The following DVL1 variants were observed in gnomAD, a reference collection of about 807,000 sequenced individuals.
The protein encoded by DVL1 is segment polarity protein dishevelled homolog DVL-1.
DVL1 carries 49 observed loss-of-function variants against 65.0 expected under a neutral mutation model. That is an observed-to-expected ratio of 0.75 (90% CI 0.60 to 0.96). The LOEUF is 0.96. DVL1 is among the 40% of genes least tolerant of loss of function. DVL1 has a pLI of 0.00. For missense variants in DVL1, 1,197 were observed against 1,045.4 expected, an observed-to-expected ratio of 1.15 and a Z score of -2.00; for synonymous variants, 608 against 433.9, an observed-to-expected ratio of 1.40 and a Z score of -4.99.
At position 1,337,179 on chromosome 1, in the gene DVL1, C is replaced by T. The variant is rs541806966; in HGVS notation, c.1715-664G>A. ...TGGGCGGGGCTGAAGTGGGCGCAAG[C>T]GCCGGTCGAGGGTCAGTAGACACCC... is the stretch of plus-strand genomic sequence containing the variant. On this transcript the variant is annotated intron_variant, in intron 14 of 14. Transcript: ENST00000378888. 123 of 816,946 alleles carry T rather than the reference C, an allele frequency of 1.5e-4. 1 individual carries two copies. In the East Asian group the frequency reaches 9.6e-3, roughly 64 times the overall value. 50.6% of individuals were successfully genotyped at this position (816,946 alleles called of 1,614,324 possible).
Position 1,336,506 on chromosome 1 carries a change from C to G in DVL1, c.1724G>C (p.Ser575Thr). ...TGSQQSEGSK[S>T]SGSTRSSRRA... Reference sequence around the variant, plus strand: ...GCGGCTGCTCCGGGTGGACCCACTGCTTTTGCTCCCTGGGAGTGAGAACAG... The same window carrying G: ...GCGGCTGCTCCGGGTGGACCCACTGGTTTTGCTCCCTGGGAGTGAGAACAG... The change falls in exon 15 of 15, where the codon AGC becomes ACC. Residue 575 changes from serine to threonine, a missense_variant. Coordinates refer to ENST00000378888, the MANE Select transcript of DVL1 (RefSeq NM_001330311.2). 2.6e-6 allele frequency: 4 copies of G among 1,516,098 alleles called. No individual in the cohort carries two copies. Among genetic ancestry groups the G allele is most frequent in the Non-Finnish European group, 3.5e-6 (4 of 1,141,150 alleles). The allele number at this position is 1,516,098 out of a possible 1,614,324, so 93.9% of individuals were successfully genotyped here. A position where few individuals can be genotyped will look rare whatever the true frequency, so the allele number is the denominator to read the frequency against.
At position 1,335,837 on chromosome 1, in the gene DVL1, G is replaced by A; in HGVS notation, c.*305C>T. ...CCTGGGCACAGCTGTGCAGGAGGTG[G>A]GGGTCAGCCGAGAGCCCGAGGGGGT... is the stretch of plus-strand genomic sequence containing the variant. On this transcript the variant is annotated 3_prime_UTR_variant, in exon 15 of 15. Transcript: ENST00000378888. 2.2e-6 allele frequency: 1 copy of A among 460,236 alleles called. No individual in the cohort carries two copies. The highest frequency in any genetic ancestry group is 3.9e-6 in the Non-Finnish European group (1 of 256,314). 28.5% of individuals were successfully genotyped at this position (460,236 alleles called of 1,614,324 possible).
rs756958598 is a variant in DVL1 at position 1,338,101 on chromosome 1, G to A, written c.1590C>T (p.Ala530=). The A allele has an allele frequency of 4.3e-6, 7 of 1,609,968 alleles. No homozygotes were observed. Among genetic ancestry groups the A allele is most frequent in the Non-Finnish European group, 5.1e-6 (6 of 1,178,840 alleles). ...DTLAPLPHPA[A]PWPLGQGYPY... is the part of the protein sequence containing the mutation. ...GGTAGCCCTGACCCAGAGGCCAGGG[G>A]GCAGCCGGGTGGGGCAGCGGGGCCA... The change falls in exon 14 of 15, where the codon GCC becomes GCT. Residue 530 remains alanine (A), a synonymous_variant. Transcript: ENST00000378888.
chr1:1,340,220 C>T (rs1358161495), intron 7 of DVL1, 27 bp downstream of exon 7: 2 of 1,613,852 alleles, frequency 1.2e-6, no homozygotes, highest in Non-Finnish European at 1.7e-6. Context: ...CCTGCCCCTG[C>T]CCCCAACCCT....
At chr1:1,344,522 T>C (rs1179695125) in intron 1 of DVL1, among the ~76,000 whole-genome samples, 3 of 152,024 alleles carry the variant, frequency 2.0e-5, no homozygotes, top group African/African-American at 7.2e-5. Flanking sequence ...CCAGCCCAGG[T>C]GGGAGCAGGG....
chr1:1,336,581 C>T lies in DVL1; in HGVS notation c.1715-66G>A, dbSNP rs570885231. On this transcript the variant is annotated intron_variant, in intron 14 of 14. Coordinates refer to ENST00000378888, the MANE Select transcript of DVL1 (RefSeq NM_001330311.2). ...CAGGCCCGGCCACGTCCAGAACAAC[C>T]GCCCCCGCCAGGTGACCGGGCAGGA... is the stretch of plus-strand genomic sequence containing the variant. 1.2e-4 allele frequency: 182 copies of T among 1,463,156 alleles called. No individual in the cohort carries two copies. In the East Asian group the frequency reaches 3.7e-3, roughly 30 times the overall value. The allele number at this position is 1,463,156 out of a possible 1,614,324, so 90.6% of individuals were successfully genotyped here. A position where few individuals can be genotyped will look rare whatever the true frequency, so the allele number is the denominator to read the frequency against.
At chr1:1,338,974 G>A (rs536569578) in intron 11 of DVL1, among the ~76,000 whole-genome samples, 6 of 152,290 alleles carry the variant, frequency 3.9e-5, no homozygotes, top group African/African-American at 1.2e-4. Flanking sequence ...TGCCCCACCC[G>A]AGAGCGCAGG....
intron 13 of DVL1, 40 bp downstream of exon 13, chr1:1,338,229 T>TGGGCC: frequency 3.2e-5 from 49 of 1,522,110 alleles, no homozygotes; most frequent in Non-Finnish European, 4.2e-5. Context: ...CCTCCGGCGT[T>TGGGCC]CCCCTCCCCC....
chr1:1,337,853 G>A (rs1295712267), intron 14 of DVL1, 124 bp downstream of exon 14: 1 of 783,468 alleles, frequency 1.3e-6, no homozygotes, highest in African/African-American at 1.7e-5. Flanking sequence ...AGCAGCAGCG[G>A]GGTGGGGTGG....
rs935943551 is a variant in DVL1 at position 1,336,088 on chromosome 1, G to A, written c.*54C>T. On this transcript the variant is annotated 3_prime_UTR_variant, in exon 15 of 15. Coordinates refer to ENST00000378888, the MANE Select transcript of DVL1 (RefSeq NM_001330311.2). ...AGGCAAGCCCACGCGAGCTCTGCAT[G>A]CGGCAGGACCGCCAGCTCCCCACCT... 1 of 1,544,796 alleles carries A rather than the reference G, an allele frequency of 6.5e-7. No homozygotes were observed. Among genetic ancestry groups the A allele is most frequent in the Non-Finnish European group, 8.7e-7 (1 of 1,151,324 alleles).
chr1:1,349,253 C>T lies in DVL1; in HGVS notation c.-188G>A, dbSNP rs1643978302. 5.6e-6 allele frequency: 1 copy of T among 178,548 alleles called. No individual in the cohort carries two copies. The highest frequency in any genetic ancestry group is 1.0e-5 in the Non-Finnish European group (1 of 95,718). 11.1% of individuals were successfully genotyped at this position (178,548 alleles called of 1,614,324 possible). A position where few individuals can be genotyped will look rare whatever the true frequency, so the allele number is the denominator to read the frequency against. ...CGCCGCCCCCGGCTCCCGCGCGCGTCCCGACTGCTGCCCCGCGGCCCGCGG... is the reference window on the plus strand; with the variant it reads ...CGCCGCCCCCGGCTCCCGCGCGCGTTCCGACTGCTGCCCCGCGGCCCGCGG... On this transcript the variant is annotated 5_prime_UTR_variant, in exon 1 of 15. Coordinates refer to ENST00000378888, the MANE Select transcript of DVL1 (RefSeq NM_001330311.2). This position sits in a 1 kb window ranked among gnomAD's most constrained non-coding sequence, Gnocchi z 4.1.
Position 1,339,337 on chromosome 1 carries a change from A to ACGG in DVL1, c.1154_1156dup (p.Ala385dup). 6.5e-7 allele frequency: 1 copy of ACGG among 1,548,612 alleles called. No homozygotes were observed. The highest frequency in any genetic ancestry group is 8.7e-7 in the Non-Finnish European group (1 of 1,146,890). On this transcript the variant is annotated inframe_insertion, in exon 11 of 15. Transcript: ENST00000378888. ...TAGTGAGGAGGAGCTGGTGCGCGTG[A>ACGG]CGGCGCTGGAGCAGGGACTCGTACC...
At position 1,340,482 on chromosome 1, in the gene DVL1, C is replaced by T. The variant is rs752153261; in HGVS notation, c.627G>A (p.Gln209=). 4 of 1,608,806 alleles carry T rather than the reference C, an allele frequency of 2.5e-6. No homozygotes were observed. In the South Asian group the frequency reaches 3.3e-5, roughly 13 times the overall value. Reference sequence around the variant, plus strand: ...TCCGGATGAGTCTGGATGAGGTGCTCTGCTCCGTGGAGCTGCTGAGCCTGG... The same window carrying T: ...TCCGGATGAGTCTGGATGAGGTGCTTTGCTCCGTGGAGCTGCTGAGCCTGG... ...STSRLSSSTE[Q]STSSRLIRKH... The change falls in exon 6 of 15, where the codon CAG becomes CAA. Residue 209 remains glutamine (Q), a synonymous_variant. Transcript: ENST00000378888.
At chr1:1,345,389 G>A (rs536614518) in intron 1 of DVL1, among the ~76,000 whole-genome samples, 3 of 152,282 alleles carry the variant, frequency 2.0e-5, no homozygotes, top group South Asian at 2.1e-4. Flanking sequence ...GGGCTCCAGG[G>A]ATCAGCTACC....
At chr1:1,342,838 G>A (rs570813425) in intron 1 of DVL1, 80 bp from the exon 2 acceptor site, 75 of 1,376,534 alleles carry the variant, frequency 5.4e-5, no homozygotes, top group Admixed American at 7.6e-5. Flanking sequence ...GAGAGCAGGC[G>A]CTCCTCCTGC....
At position 1,340,191 on chromosome 1, in the gene DVL1, C is replaced by T. The variant is rs759972255; in HGVS notation, c.770-14G>A. On this transcript the variant is annotated splice_polypyrimidine_tract_variant and intron_variant, in intron 7 of 14. Coordinates refer to ENST00000378888, the MANE Select transcript of DVL1 (RefSeq NM_001330311.2). ...AGTGATGTCTTTCTGCAGGAAGAGC[C>T]ATGAGCCGCGGCCAAGCCCCTGCCC... 2.4e-5 allele frequency: 39 copies of T among 1,613,614 alleles called. No homozygotes were observed. The highest frequency in any genetic ancestry group is 2.8e-5 in the Non-Finnish European group (33 of 1,179,986).
Position 1,338,254 on chromosome 1 carries a change from G to A in DVL1, c.1507+15C>T, listed in dbSNP as rs375866434. The A allele has an allele frequency of 4.1e-3, 1,611 of 393,304 alleles. 27 individuals are homozygous for A. Among genetic ancestry groups the A allele is most frequent in the South Asian group, 0.024 (1,307 of 55,524 alleles). The allele number at this position is 393,304 out of a possible 1,614,324, so 24.4% of individuals were successfully genotyped here. On this transcript the variant is annotated intron_variant, in intron 13 of 14. Transcript: ENST00000378888. ...TCCCCTCCCCCCCGCCCTGAAGCCC[G>A]AAGCCCCCACTCACTGCTGCAGAGA...
In DVL1 at chr1:1,335,922, C is replaced by T. The variant is rs1325323705; in HGVS notation, c.*220G>A. On this transcript the variant is annotated 3_prime_UTR_variant, in exon 15 of 15. Transcript: ENST00000378888. Reference sequence around the variant, plus strand: ...AAGGGGTTGGGAGGTCCGAGGCTCTCGCTGAGGGGCAGAGAGGGAGCGCCC... The same window carrying T: ...AAGGGGTTGGGAGGTCCGAGGCTCTTGCTGAGGGGCAGAGAGGGAGCGCCC... 4.8e-6 allele frequency: 3 copies of T among 622,470 alleles called. No homozygotes were observed. Among genetic ancestry groups the T allele is most frequent in the Non-Finnish European group, 5.5e-6 (2 of 360,528 alleles). 38.6% of individuals were successfully genotyped at this position (622,470 alleles called of 1,614,324 possible).
chr1:1,340,204 C>T (rs1643743866), intron 7 of DVL1, 27 bp from the exon 8 acceptor site: 1 of 1,613,618 alleles, frequency 6.2e-7, no homozygotes, highest in African/African-American at 1.3e-5. Flanking sequence ...GAGCCGCGGC[C>T]AAGCCCCTGC....
Sources: gnomAD v4.1 joint callset for allele counts (sites outside exome capture counted in the v4.1 genomes callset) on GRCh38, gnomAD v4.1.1 for gene constraint, Gnocchi (gnomAD v3.1) non-coding constraint, MANE v1.5 for transcripts, NCBI Gene and HGNC (gene_info 2026-07-23, HGNC 2026-07-21) for gene names.